CCNJL: variants seen among roughly 807,000 people sequenced by gnomAD.
The protein encoded by CCNJL is cyclin J like, also known as cyclin-J-like protein.
In CCNJL, 33 loss-of-function variants were observed where a neutral mutation model predicts 33.4. That is an observed-to-expected ratio of 0.99 (90% CI 0.75 to 1.32). CCNJL has a LOEUF of 1.32. Ranked by LOEUF, CCNJL falls within the 40% of genes most tolerant of loss-of-function variation. The pLI is 0.00. For synonymous variants in CCNJL, 227 were observed against 220.9 expected (o/e 1.03, Z -0.24); for missense variants, 512 against 499.7 (o/e 1.02, Z -0.23).
chr5:160,282,372 G>C (rs1317824365), intron 2 of CCNJL, among the ~76,000 whole-genome samples: 1 of 148,620 alleles, frequency 6.7e-6, no homozygotes, highest in African/African-American at 2.6e-5. Flanking sequence ...AAGAAAACAG[G>C]GGGAAATCTT....
chr5:160,307,990 C>A (rs75976677), intron 2 of CCNJL, among the ~76,000 whole-genome samples: 16,556 of 152,228 alleles, frequency 0.11, 952 homozygotes, highest in South Asian at 0.14. Context: ...TCCCAGCCCT[C>A]AGTAGATACA....
chr5:160,301,734 C>T (rs1266188687), intron 2 of CCNJL, among the ~76,000 whole-genome samples: 12 of 145,130 alleles, frequency 8.3e-5, no homozygotes, highest in East Asian at 2.1e-4. Flanking sequence ...CGCACCCGGT[C>T]GTCTTTTTTT....
intron 1 of CCNJL, among the ~76,000 whole-genome samples, chr5:160,320,818 T>TTTCTTTCTTTCTTTCTTTCC (rs1763434888): frequency 6.4e-5 from 7 of 109,842 alleles, no homozygotes; most frequent in African/African-American, 2.5e-4. Context: ...TCTTTCTTTC[T>TTTCTTTCTTTCTTTCTTTCC]TTCTTTCTTT....
At chr5:160,260,871 C>G (rs1226035658) in intron 3 of CCNJL, among the ~76,000 whole-genome samples, 1 of 152,200 alleles carries the variant, frequency 6.6e-6, no homozygotes, top group Non-Finnish European at 1.5e-5. Flanking sequence ...GCCCTCCACA[C>G]CAGCCCCCTG....
intron 3 of CCNJL, among the ~76,000 whole-genome samples, chr5:160,266,304 G>T (rs1430269556): frequency 7.9e-5 from 12 of 152,258 alleles, no homozygotes; most frequent in Non-Finnish European, 1.5e-5. Flanking sequence ...GGAAGCCCAC[G>T]CAGGGCCAGG....
intron 1 of CCNJL, among the ~76,000 whole-genome samples, chr5:160,334,238 A>G (rs929767990): frequency 2.6e-5 from 4 of 152,168 alleles, no homozygotes; most frequent in African/African-American, 9.7e-5. Context: ...CACAGTGCAG[A>G]TTCCATGGCT....
At chr5:160,328,969 AC>A (rs1318383477) in intron 1 of CCNJL, among the ~76,000 whole-genome samples, 1 of 152,146 alleles carries the variant, frequency 6.6e-6, no homozygotes, top group Non-Finnish European at 1.5e-5. Context: ...ATCCAAGGTT[AC>A]CCAGGGCAGA....
chr5:160,280,444 TAA>T, intron 3 of CCNJL, 79 bp downstream of exon 3: 1 of 1,124,504 alleles, frequency 8.9e-7, no homozygotes. Flanking sequence ...CGTCAAAATG[TAA>T]AGTGATTTGG....
intron 3 of CCNJL, among the ~76,000 whole-genome samples, chr5:160,277,287 T>C (rs975166729): frequency 2.0e-5 from 3 of 152,012 alleles, no homozygotes; most frequent in East Asian, 1.9e-4. Context: ...GTCCAGCATG[T>C]AGAAAGAACA....
intron 3 of CCNJL, among the ~76,000 whole-genome samples, chr5:160,278,813 T>G (rs1396708084): frequency 6.6e-6 from 1 of 152,138 alleles, no homozygotes; most frequent in East Asian, 1.9e-4. Flanking sequence ...GTGGCGCAAA[T>G]TTCTCCTGTG....
chr5:160,312,849 A>G (rs1046638714), upstream of CCNJL: 1 of 152,090 alleles, frequency 6.6e-6, no homozygotes, highest in Non-Finnish European at 1.5e-5. Context: ...ACGTGCGGAC[A>G]GGACGCCCCC....
chr5:160,338,201 A>G (rs2113487417), intron 1 of CCNJL, among the ~76,000 whole-genome samples: 1 of 151,850 alleles, frequency 6.6e-6, no homozygotes, highest in South Asian at 2.1e-4. Flanking sequence ...GTTGGAAGCC[A>G]CCCTGGGTAA....
chr5:160,307,446 T>C (rs1314371165), intron 2 of CCNJL, among the ~76,000 whole-genome samples: 1 of 152,168 alleles, frequency 6.6e-6, no homozygotes, highest in Non-Finnish European at 1.5e-5. Flanking sequence ...TTCCATCATG[T>C]GTAACCAGCA....
Position 160,259,739 on chromosome 5 carries a change from T to C in CCNJL, c.313A>G (p.Lys105Glu). The C allele has an allele frequency of 6.2e-7, 1 of 1,612,546 alleles. No individual in the cohort carries two copies. The highest frequency in any genetic ancestry group is 8.5e-7 in the Non-Finnish European group (1 of 1,178,862). ...CTCGTGCTGTTTATTTGCTCCAACT[T>C]GGGGACGTGGTCTTCCCGATCCTCG... ...KFEDREDHVP[K>E]LEQINSTRIL... The change falls in exon 4 of 6, where the codon AAG becomes GAG. Residue 105 changes from lysine (K) to glutamate (E), a missense_variant. Physicochemically the swap from Lys to Glu is moderately conservative, Grantham distance 56 (BLOSUM62 1). Coordinates refer to ENST00000257536, the MANE Select transcript of CCNJL (RefSeq NM_001308173.3).
At chr5:160,308,547 G>C (rs1413443937) in intron 2 of CCNJL, among the ~76,000 whole-genome samples, 2 of 152,212 alleles carry the variant, frequency 1.3e-5, no homozygotes, top group Admixed American at 1.3e-4. Flanking sequence ...AACGAGGTCA[G>C]GGGTTCTTCG....
In CCNJL at chr5:160,301,797, T is replaced by C. The variant is rs1267769879; in HGVS notation, c.66+10061A>G. 4.0e-5 allele frequency among the ~76,000 whole-genome samples: 6 copies of C among 151,204 alleles called. No individual in the cohort carries two copies. The South Asian group carries it at 1.0e-3, about 26-fold the overall frequency. ...CAGGCTGGAGTGCAGTGGCATGATC[T>C]TGGGTCACTGCAACCTCTGCCTCCC... On this transcript the variant is annotated intron_variant, in intron 2 of 5. Coordinates refer to ENST00000257536, the MANE Select transcript of CCNJL (RefSeq NM_001308173.3).
At chr5:160,318,328 C>T (rs1181860116) in intron 1 of CCNJL, among the ~76,000 whole-genome samples, 2 of 152,194 alleles carry the variant, frequency 1.3e-5, no homozygotes, top group Non-Finnish European at 2.9e-5. Context: ...TGTCTTCTTA[C>T]AAGGACACCG....
intron 3 of CCNJL, among the ~76,000 whole-genome samples, chr5:160,280,028 C>A (rs963443639): frequency 6.6e-6 from 1 of 152,242 alleles, no homozygotes; most frequent in Non-Finnish European, 1.5e-5. Flanking sequence ...GGTGACCACA[C>A]AATGGGTCCT....
intron 2 of CCNJL, among the ~76,000 whole-genome samples, chr5:160,284,486 G>A (rs1329343532): frequency 1.3e-5 from 2 of 152,230 alleles, no homozygotes; most frequent in Non-Finnish European, 2.9e-5. Context: ...AGGGAGAGAG[G>A]TGGCAATCCA....
Sources: allele counts gnomAD v4.1 joint callset (sites outside exome capture counted in the v4.1 genomes callset), GRCh38; gene constraint gnomAD v4.1.1; transcripts MANE v1.5; gene names NCBI Gene and HGNC (gene_info 2026-07-23, HGNC 2026-07-21).